PWWP2A: variants seen among roughly 807,000 people sequenced by gnomAD.
PWWP2A encodes PWWP domain containing 2A, also known as PWWP domain-containing protein 2A.
PWWP2A carries 18 observed loss-of-function variants against 48.5 expected under a neutral mutation model. That is an observed-to-expected ratio of 0.37 (90% CI 0.26 to 0.55). The LOEUF (loss-of-function observed/expected upper bound fraction) is 0.55, where lower values mean the gene tolerates loss of function less well. Among genes scored for constraint, PWWP2A ranks in the 20% least tolerant of loss-of-function variants. PWWP2A has a pLI of 0.81. For missense variants in PWWP2A, 867 were observed against 976.4 expected, an observed-to-expected ratio of 0.89 and a Z score of 1.49; for synonymous variants, 396 against 387.7, an observed-to-expected ratio of 1.02 and a Z score of -0.25.
chr5:160,089,195 T>C (rs1046917457), downstream of PWWP2A, among the ~76,000 whole-genome samples: 2 of 152,074 alleles, frequency 1.3e-5, no homozygotes, highest in Admixed American at 6.5e-5. Flanking sequence ...CACACTGATA[T>C]ATAGGGTTTT....
intron 1 of PWWP2A, among the ~76,000 whole-genome samples, chr5:160,098,856 T>G (rs1755957535): frequency 6.6e-6 from 1 of 152,092 alleles, no homozygotes; most frequent in Admixed American, 6.6e-5. Flanking sequence ...TAATCCCAGT[T>G]ACTCAGGAGG....
chr5:160,109,620 T>C (rs1015620259), intron 1 of PWWP2A, among the ~76,000 whole-genome samples: 20 of 151,362 alleles, frequency 1.3e-4, no homozygotes, highest in Non-Finnish European at 2.5e-4. Context: ...AAGACATCCA[T>C]AATCATTTCT....
chr5:160,098,113 TG>T (rs1457025902), intron 1 of PWWP2A, among the ~76,000 whole-genome samples: 6 of 152,338 alleles, frequency 3.9e-5, no homozygotes, highest in African/African-American at 1.4e-4. Flanking sequence ...TATCAAGTAA[TG>T]GAATCTGGTA....
At chr5:160,110,775 T>TA (rs1420056591) in intron 1 of PWWP2A, among the ~76,000 whole-genome samples, 1 of 151,968 alleles carries the variant, frequency 6.6e-6, no homozygotes, top group East Asian at 1.9e-4. Flanking sequence ...CTCACGCCTG[T>TA]AATCCCATCA....
the PWWP2A span, chr5:160,049,805 C>T: frequency 1.4e-6 from 1 of 731,506 alleles, no homozygotes; most frequent in Non-Finnish European, 2.0e-6. Flanking sequence ...AGGCCAGGCG[C>T]AGTGGCTCTT....
At chr5:160,064,954 C>T in intron 4 of PWWP2A, 1 of 1,613,370 alleles carries the variant, frequency 6.2e-7, no homozygotes, top group Non-Finnish European at 8.5e-7. Context: ...ATCTTGGGAA[C>T]TTGGTTCTCC....
At chr5:160,090,804 A>G (rs1754999194), downstream of PWWP2A, 1 of 976,560 alleles carries the variant, frequency 1.0e-6, no homozygotes, top group Non-Finnish European at 1.2e-6. Flanking sequence ...GTTAAGACAC[A>G]AAGTATGAAA....
chr5:160,116,475 A>G (rs1758155768), intron 1 of PWWP2A, among the ~76,000 whole-genome samples: 1 of 152,224 alleles, frequency 6.6e-6, no homozygotes, highest in South Asian at 2.1e-4. Flanking sequence ...AAATAAATAA[A>G]TAAATAATAG....
intron 4 of PWWP2A, among the ~76,000 whole-genome samples, chr5:160,064,280 C>T (rs1243914769): frequency 6.6e-6 from 1 of 152,104 alleles, no homozygotes; most frequent in Non-Finnish European, 1.5e-5. Context: ...ATATACCTCA[C>T]CCAAGTCGTG....
intron 1 of PWWP2A, among the ~76,000 whole-genome samples, chr5:160,106,753 G>GT (rs1320090124): frequency 6.7e-6 from 1 of 150,260 alleles, no homozygotes; most frequent in Non-Finnish European, 1.5e-5. Flanking sequence ...AGCCACCCGA[G>GT]TTGCCCATCC....
At chr5:160,045,592 G>A in the PWWP2A span, among the ~76,000 whole-genome samples, 3 of 141,150 alleles carry the variant, frequency 2.1e-5, no homozygotes, top group African/African-American at 8.1e-5. Flanking sequence ...ATAAACCTTG[G>A]CAAAGAACTT....
At chr5:160,061,361 G>A (rs961348046), downstream of PWWP2A, among the ~76,000 whole-genome samples, 7 of 152,178 alleles carry the variant, frequency 4.6e-5, no homozygotes, top group East Asian at 1.3e-3. Flanking sequence ...GACTCTCGTA[G>A]CATTTTATAA....
intron 1 of PWWP2A, 45 bp downstream of exon 1, chr5:160,118,760 C>A: frequency 7.2e-7 from 1 of 1,379,784 alleles, no homozygotes; most frequent in Non-Finnish European, 9.4e-7. Context: ...CACTCCCTCC[C>A]TGGGGACCCA....
downstream of PWWP2A, among the ~76,000 whole-genome samples, chr5:160,058,152 C>T (rs1486662035): frequency 6.6e-6 from 1 of 152,192 alleles, no homozygotes; most frequent in Non-Finnish European, 1.5e-5. Context: ...TCTCAAGAAA[C>T]CACTTTTTTT....
Position 160,092,691 on chromosome 5 carries a change from T to C in PWWP2A, c.1959A>G (p.Ile653Met). 1 of 1,551,690 alleles carries C rather than the reference T, an allele frequency of 6.4e-7. No homozygotes were observed. The highest frequency in any genetic ancestry group is 1.2e-5 in the South Asian group (1 of 84,064). The change falls in exon 2 of 2, where the codon ATA becomes ATG. Residue 653 changes from isoleucine (I) to methionine (M), a missense_variant. Ile to Met is a conservative substitution (Grantham distance 10). Coordinates refer to ENST00000307063, the MANE Select transcript of PWWP2A (RefSeq NM_001130864.2). The stretch of plus-strand genomic sequence containing the variant: ...TGGCCCAAACAATGTCCCCTACACA[T>C]ATGGTCCTGCCATCTGGTGTGACGC... ...SKCVTPDGRT[I>M]CVGDIVWAKI...
intron 1 of PWWP2A, among the ~76,000 whole-genome samples, chr5:160,117,588 CGGAGG>C (rs1214635267): frequency 4.0e-5 from 6 of 150,810 alleles, no homozygotes; most frequent in African/African-American, 1.5e-4. Context: ...ACCCAGGAGG[CGGAGG>C]TTGCAGTGAG....
At chr5:160,087,868 A>G (rs1754762094), downstream of PWWP2A, among the ~76,000 whole-genome samples, 1 of 152,214 alleles carries the variant, frequency 6.6e-6, no homozygotes, top group South Asian at 2.1e-4. Context: ...GATAAGACAA[A>G]GAGTTGTTTA....
At chr5:160,082,610 C>T (rs1754326618) in intron 2 of PWWP2A, among the ~76,000 whole-genome samples, 1 of 152,178 alleles carries the variant, frequency 6.6e-6, no homozygotes, top group Non-Finnish European at 1.5e-5. Context: ...TCACCTGCAA[C>T]CCCCTGAAAT....
At chr5:160,116,854 A>G (rs1758192246) in intron 1 of PWWP2A, 1 of 831,742 alleles carries the variant, frequency 1.2e-6, no homozygotes, top group South Asian at 5.5e-5. Context: ...GCACTTTGGG[A>G]GGCCAAGGTG....
Sources: gnomAD v4.1 joint callset for allele counts (sites outside exome capture counted in the v4.1 genomes callset) on GRCh38, gnomAD v4.1.1 for gene constraint, MANE v1.5 for transcripts, NCBI Gene and HGNC (gene_info 2026-07-23, HGNC 2026-07-21) for gene names.